Variants in CCNH observed in about 807,000 individuals in gnomAD.
CCNH encodes cyclin H.
CCNH carries 31 observed loss-of-function variants against 41.9 expected under a neutral mutation model. The observed-to-expected ratio is 0.74, with a 90% CI of 0.56 to 1.00. The LOEUF (loss-of-function observed/expected upper bound fraction) is 1.00, where lower values mean the gene tolerates loss of function less well. Among genes scored for constraint, CCNH ranks in the 50% least tolerant of loss-of-function variants. The pLI, the probability that CCNH is intolerant of heterozygous loss-of-function variation, is 0.00. For synonymous variants in CCNH, 138 were observed against 136.1 expected (o/e 1.01, Z -0.10); for missense variants, 362 against 388.4 (o/e 0.93, Z 0.57).
chr5:87,385,354 C>T, intron 9 of CCNH: 1 of 1,610,406 alleles, frequency 6.2e-7, no homozygotes, highest in Non-Finnish European at 8.5e-7. Context: ...TAAATCTGTG[C>T]AGAACTTAGC....
At chr5:87,386,936 G>C (rs372500489), downstream of CCNH, 71 of 1,546,052 alleles carry the variant, frequency 4.6e-5, 2 homozygotes, top group Middle Eastern at 6.6e-4. Context: ...CTTTTTTTAA[G>C]ACTTCTAGTT....
intron 6 of CCNH, among the ~76,000 whole-genome samples, chr5:87,401,161 G>A (rs1455161696): frequency 1.3e-5 from 2 of 152,196 alleles, no homozygotes; most frequent in Non-Finnish European, 2.9e-5. Context: ...GAGGCTCCAG[G>A]GATGAATCCA....
chr5:87,389,156 G>GA (rs1487221844), downstream of CCNH: 1 of 412,420 alleles, frequency 2.4e-6, no homozygotes, highest in African/African-American at 2.0e-5. Flanking sequence ...AGACTACAGA[G>GA]AAAGATTTGT....
intron 9 of CCNH, chr5:87,331,189 T>C: frequency 1.0e-6 from 1 of 976,338 alleles, no homozygotes; most frequent in Non-Finnish European, 1.6e-6. Flanking sequence ...GAGACTGAGG[T>C]TAAATTGAGT....
chr5:87,366,556 A>G (rs543799777), intron 9 of CCNH: 4 of 187,902 alleles, frequency 2.1e-5, no homozygotes, highest in Admixed American at 1.6e-4. Context: ...TACATTTACC[A>G]CTTGCTGTAA....
downstream of CCNH, chr5:87,392,159 G>A: frequency 2.4e-6 from 1 of 421,408 alleles, no homozygotes; most frequent in Non-Finnish European, 4.7e-6. Context: ...AATGACATTG[G>A]TAATCAAAGT....
chr5:87,331,915 A>C (rs912643779), intron 9 of CCNH, among the ~76,000 whole-genome samples: 1 of 152,170 alleles, frequency 6.6e-6, no homozygotes, highest in Non-Finnish European at 1.5e-5. Flanking sequence ...CACTTCAGTG[A>C]AACAGACATA....
At chr5:87,356,497 C>T (rs1166540503) in intron 9 of CCNH, among the ~76,000 whole-genome samples, 1 of 151,980 alleles carries the variant, frequency 6.6e-6, no homozygotes, top group Non-Finnish European at 1.5e-5. Flanking sequence ...TCAAGCAATC[C>T]TCCTGCCTCA....
In CCNH at chr5:87,394,395, TGCTTCC is replaced by T; in HGVS notation, c.*45_*50del. On this transcript the variant is annotated 3_prime_UTR_variant, in exon 9 of 9. Transcript: ENST00000256897. ...TTTAAATAAAGTTAAACGTTTGATA[TGCTTCC>T]TACTTCTCTTGATTAGTTAGCATTG... The T allele has an allele frequency of 1.3e-6, 2 of 1,587,190 alleles. No homozygotes were observed. Among genetic ancestry groups the T allele is most frequent in the Non-Finnish European group, 1.7e-6 (2 of 1,166,266 alleles).
chr5:87,330,069 T>C (rs1757499738), intron 9 of CCNH, among the ~76,000 whole-genome samples: 1 of 152,162 alleles, frequency 6.6e-6, no homozygotes, highest in East Asian at 1.9e-4. Flanking sequence ...AGGTTACAAT[T>C]ATATTTTGTT....
chr5:87,379,551 C>A (rs1170405140), upstream of CCNH, among the ~76,000 whole-genome samples: 1 of 152,016 alleles, frequency 6.6e-6, no homozygotes, highest in Non-Finnish European at 1.5e-5. Flanking sequence ...GGTAACAGAC[C>A]TACCAGGAGG....
At chr5:87,370,396 T>C (rs879113865) in intron 9 of CCNH, among the ~76,000 whole-genome samples, 1 of 152,230 alleles carries the variant, frequency 6.6e-6, no homozygotes, top group Admixed American at 6.5e-5. Context: ...ATGTGCAGTG[T>C]CCTTCTTATA....
At chr5:87,375,014 A>C, downstream of CCNH, 1 of 1,415,034 alleles carries the variant, frequency 7.1e-7, no homozygotes, top group Admixed American at 2.3e-5. Context: ...AAAAAAACAG[A>C]AATGCAAGTA....
intron 8 of CCNH, 149 bp downstream of exon 8, chr5:87,394,895 A>G: frequency 6.7e-7 from 1 of 1,482,480 alleles, no homozygotes; most frequent in South Asian, 1.4e-5. Context: ...ATAATGGACA[A>G]CAGTACTGTA....
chr5:87,388,906 A>G (rs1385467484), downstream of CCNH, among the ~76,000 whole-genome samples: 1 of 152,142 alleles, frequency 6.6e-6, no homozygotes, highest in Non-Finnish European at 1.5e-5. Context: ...TACAAAGCTA[A>G]TTGTTAGGAA....
At chr5:87,368,783 T>C (rs1387987569) in intron 9 of CCNH, among the ~76,000 whole-genome samples, 1 of 152,194 alleles carries the variant, frequency 6.6e-6, no homozygotes, top group Non-Finnish European at 1.5e-5. Context: ...GGCAACTGCC[T>C]TGAACGGAAA....
intron 4 of CCNH, 21 bp from the exon 5 acceptor site, chr5:87,405,028 T>C: frequency 3.8e-6 from 6 of 1,591,038 alleles, no homozygotes; most frequent in Middle Eastern, 3.4e-4. Flanking sequence ...AGTTTGCAAA[T>C]GTTACCATTT....
At chr5:87,379,886 GTATC>G (rs770148647), upstream of CCNH, 15 of 1,590,500 alleles carry the variant, frequency 9.4e-6, no homozygotes, top group Admixed American at 1.7e-5. Flanking sequence ...AAGAAATTGT[GTATC>G]TATGTCTTCA....
chr5:87,335,669 G>A (rs1390933806), intron 9 of CCNH, among the ~76,000 whole-genome samples: 1 of 151,954 alleles, frequency 6.6e-6, no homozygotes, highest in African/African-American at 2.4e-5. Flanking sequence ...CGGGTGATCT[G>A]CCCGCCTTGG....
Sources: gnomAD v4.1 joint callset for allele counts (sites outside exome capture counted in the v4.1 genomes callset) on GRCh38, gnomAD v4.1.1 for gene constraint, MANE v1.5 for transcripts, NCBI Gene and HGNC (gene_info 2026-07-23, HGNC 2026-07-21) for gene names.